GLE1: variants seen among roughly 807,000 people sequenced by gnomAD.
The protein encoded by GLE1 is mRNA export factor GLE1.
A neutral mutation model predicts 97.3 loss-of-function variants in GLE1; 78 were observed. That is an observed-to-expected ratio of 0.80 (90% confidence interval 0.67 to 0.97). The LOEUF is 0.97. Among genes scored for constraint, GLE1 ranks in the 50% least tolerant of loss-of-function variants. The probability of loss-of-function intolerance (pLI) is 0.00; values close to 1 mark genes in which losing one functional copy is unlikely to be tolerated. For synonymous variants in GLE1, 302 were observed against 313.4 expected (o/e 0.96, Z 0.39); for missense variants, 753 against 857.5 (o/e 0.88, Z 1.52).
In GLE1 at chr9:128,509,074, C is replaced by T. The variant is rs897878197; in HGVS notation, c.298C>T (p.Pro100Ser). ...AAGCTCTGCCTTTTCCCCAGCCTCC[C>T]CTGCAACACCAAATGGAACCAAGGT... ...DASSAFSPAS[P>S]ATPNGTKGKD... is the part of the protein sequence containing the mutation. The change falls in exon 2 of 16, where the codon CCT (proline) becomes TCT (serine). Residue 100 changes from proline (P) to serine (S), a missense_variant. By Grantham distance (74) the Pro-to-Ser change is moderately conservative. Transcript: ENST00000309971. The T allele has an allele frequency of 2.5e-6, 4 of 1,608,822 alleles. No individual in the cohort carries two copies. Among genetic ancestry groups the T allele is most frequent in the Admixed American group, 1.7e-5 (1 of 59,986 alleles).
chr9:128,539,275 A>T (rs148032521), intron 13 of GLE1, among the ~76,000 whole-genome samples: 288 of 152,264 alleles, frequency 1.9e-3, no homozygotes, highest in Non-Finnish European at 3.6e-3. Context: ...TACATGAACA[A>T]TGATCCTGTA....
chr9:128,517,463 CAA>C (rs750118391), intron 3 of GLE1, among the ~76,000 whole-genome samples: 3 of 152,190 alleles, frequency 2.0e-5, no homozygotes, highest in African/African-American at 4.8e-5. Context: ...CAGAAGTAAA[CAA>C]GAGAAATAAG....
At chr9:128,539,783 T>C (rs1426533107) in intron 14 of GLE1, 85 bp downstream of exon 14, 1 of 1,608,642 alleles carries the variant, frequency 6.2e-7, no homozygotes, top group Non-Finnish European at 8.5e-7. Flanking sequence ...TACCTGCTGG[T>C]TTTGATTCAA....
rs775047439 is a variant in GLE1 at position 128,523,309 on chromosome 9, AG to A, written c.612del (p.Lys204AsnfsTer2). 1 of 1,613,400 alleles carries A rather than the reference AG, an allele frequency of 6.2e-7. No homozygotes were observed. Among genetic ancestry groups the A allele is most frequent in the Non-Finnish European group, 8.5e-7 (1 of 1,179,330 alleles). On this transcript the variant is annotated frameshift_variant, in exon 5 of 16. Coordinates refer to ENST00000309971, the MANE Select transcript of GLE1 (RefSeq NM_001003722.2). LOFTEE classifies it high-confidence loss of function. ...AGAGAAGCCTTGGGACACCAAGAGA[AG>A]CTAAAAGCTGAGCACCGTCACAGAG... ...SSREALGHQE[K>X]LKAEHRHRAK...
At chr9:128,511,550 A>C (rs1429531001) in intron 2 of GLE1, among the ~76,000 whole-genome samples, 1 of 144,488 alleles carries the variant, frequency 6.9e-6, no homozygotes, top group Non-Finnish European at 1.5e-5. Context: ...TACTAAAAAT[A>C]AAAAAAAAAA....
intron 14 of GLE1, 47 bp downstream of exon 14, chr9:128,539,745 C>T (rs1042147417): frequency 6.2e-7 from 1 of 1,613,776 alleles, no homozygotes. Flanking sequence ...TAACTCATAA[C>T]CAGGCCTCAG....
rs1226441048 is a variant in GLE1, at chr9:128,504,739, C to G, written c.-67C>G. 1.4e-5 allele frequency: 15 copies of G among 1,093,006 alleles called. No homozygotes were observed. Among genetic ancestry groups the G allele is most frequent in the Non-Finnish European group, 2.0e-5 (14 of 710,434 alleles). 67.7% of individuals were successfully genotyped at this position (1,093,006 alleles called of 1,614,324 possible). A position where few individuals can be genotyped will look rare whatever the true frequency, so the allele number is the denominator to read the frequency against. On this transcript the variant is annotated 5_prime_UTR_variant, in exon 1 of 16. Transcript: ENST00000309971. ...GAAGCAGAAGCCTGTGTGGCCTTCC[C>G]GGCGGCTGATTCGAGGGCTTGTTTG...
intron 3 of GLE1, among the ~76,000 whole-genome samples, chr9:128,519,433 G>A (rs1847077126): frequency 6.6e-6 from 1 of 152,176 alleles, no homozygotes; most frequent in Non-Finnish European, 1.5e-5. Context: ...GTCTATAGAT[G>A]GCCCCCTGCA....
chr9:128,506,685 A>G (rs1846649550), intron 1 of GLE1, among the ~76,000 whole-genome samples: 1 of 152,204 alleles, frequency 6.6e-6, no homozygotes, highest in African/African-American at 2.4e-5. Context: ...CTCAGTAGAC[A>G]GAGCTAGGAA....
chr9:128,535,713 C>G (rs546028888), intron 11 of GLE1, among the ~76,000 whole-genome samples: 1 of 151,762 alleles, frequency 6.6e-6, no homozygotes, highest in African/African-American at 2.4e-5. Context: ...CACAGCTACT[C>G]GGGAGGCAGA....
chr9:128,524,611 G>T (rs1847250392), intron 6 of GLE1, among the ~76,000 whole-genome samples: 2 of 135,146 alleles, frequency 1.5e-5, no homozygotes, highest in South Asian at 4.8e-4. Flanking sequence ...GAGTGCAGTG[G>T]TGTGATCATG....
At chr9:128,509,204 CATT>C in intron 2 of GLE1, 107 bp downstream of exon 2, 2 of 754,836 alleles carry the variant, frequency 2.6e-6, no homozygotes, top group East Asian at 2.5e-5. Context: ...AATGATTGCT[CATT>C]GTTGTAGCTG....
chr9:128,514,286 C>A (rs1292508394), intron 2 of GLE1, among the ~76,000 whole-genome samples: 1 of 149,038 alleles, frequency 6.7e-6, no homozygotes, highest in Non-Finnish European at 1.5e-5. Context: ...CTGTAATGAT[C>A]CGTGATCACG....
intron 7 of GLE1, 34 bp from the exon 8 acceptor site, chr9:128,527,145 T>C (rs1281948177): frequency 9.1e-7 from 1 of 1,093,226 alleles, no homozygotes; most frequent in South Asian, 1.2e-5. Context: ...CAGTAAATAC[T>C]AGCTATTACT....
chr9:128,540,383 G>A (rs1448538451), intron 15 of GLE1, 45 bp downstream of exon 15: 3 of 1,199,084 alleles, frequency 2.5e-6, no homozygotes, highest in Non-Finnish European at 2.5e-6. Context: ...TTGTTGGGCT[G>A]GAATGCACCT....
rs771305251 is a variant in GLE1 at position 128,508,968 on chromosome 9, A to C, written c.192A>C (p.Gln64His). ...TCCTACCCCATATGCAGGAGAACCA[A>C]CCTCTGTCTGAGACTTCGCCATCCT... ...EHVLPHMQEN[Q>H]PLSETSPSST... Residue 64 changes from glutamine to histidine, a missense_variant, in exon 2 of 16, where the codon CAA becomes CAC. By Grantham distance (24) the Gln-to-His change is conservative. Transcript: ENST00000309971. 10 of 1,611,492 alleles carry C rather than the reference A, an allele frequency of 6.2e-6. No individual in the cohort carries two copies. The highest frequency in any genetic ancestry group is 1.6e-4 in the Middle Eastern group (1 of 6,078).
intron 2 of GLE1, among the ~76,000 whole-genome samples, chr9:128,514,195 C>T (rs981428055): frequency 3.3e-5 from 5 of 151,458 alleles, no homozygotes; most frequent in Non-Finnish European, 7.4e-5. Context: ...AAAAATTAGC[C>T]AGGTGTGGTG....
At chr9:128,538,222 C>T (rs2132532550) in intron 13 of GLE1, 132 bp downstream of exon 13, 1 of 695,276 alleles carries the variant, frequency 1.4e-6, no homozygotes, top group African/African-American at 1.8e-5. Flanking sequence ...CAGTGTCATA[C>T]ATTTTTCCCA....
At chr9:128,518,869 A>G (rs1847060332) in intron 3 of GLE1, among the ~76,000 whole-genome samples, 1 of 152,132 alleles carries the variant, frequency 6.6e-6, no homozygotes, top group Non-Finnish European at 1.5e-5. Flanking sequence ...CTCCAAAAAA[A>G]AAAAAAAAAG....
Sources: gnomAD v4.1 joint callset for allele counts (sites outside exome capture counted in the v4.1 genomes callset) on GRCh38, gnomAD v4.1.1 for gene constraint, MANE v1.5 for transcripts, NCBI Gene and HGNC (gene_info 2026-07-23, HGNC 2026-07-21) for gene names.